Variants in NTRK2 observed in about 807,000 individuals in gnomAD.
NTRK2 encodes the protein neurotrophic receptor tyrosine kinase 2.
Under a neutral mutation model 94.5 loss-of-function variants are expected in NTRK2, and 13 were observed. The ratio of observed to expected loss-of-function variants is 0.14; its 90% CI spans 0.09 to 0.22. The LOEUF is 0.22. NTRK2 is among the 10% of genes least tolerant of loss of function. The pLI is 1.00. For missense variants in NTRK2, 639 were observed against 1,071.2 expected (o/e 0.60, Z 5.63); for synonymous variants, 372 against 407.4 (o/e 0.91, Z 1.05).
At chr9:84,903,454 C>T (rs932488089) in intron 14 of NTRK2, among the ~76,000 whole-genome samples, 48 of 152,170 alleles carry the variant, frequency 3.2e-4, no homozygotes, top group African/African-American at 1.1e-3. Context: ...TCATCATGTT[C>T]CATCTTTCCC....
intron 14 of NTRK2, chr9:84,877,530 C>A (rs1256952227): frequency 2.8e-6 from 3 of 1,066,536 alleles, no homozygotes; most frequent in South Asian, 9.1e-5. Flanking sequence ...GGCCAAGGAC[C>A]CCCCTCCTAC....
chr9:84,749,586 T>G (rs62562378), intron 11 of NTRK2, among the ~76,000 whole-genome samples: 1 of 151,820 alleles, frequency 6.6e-6, no homozygotes, highest in African/African-American at 2.4e-5. Flanking sequence ...TTTGTAAATC[T>G]TAGTTTTTTC....
intron 2 of NTRK2, among the ~76,000 whole-genome samples, chr9:84,680,863 A>G (rs754878567): frequency 5.3e-5 from 8 of 152,156 alleles, no homozygotes; most frequent in Non-Finnish European, 1.0e-4. Flanking sequence ...TTGACTTCTT[A>G]GCAGAACTTG....
chr9:84,941,542 G>T (rs543876373), intron 15 of NTRK2, among the ~76,000 whole-genome samples: 1 of 152,284 alleles, frequency 6.6e-6, no homozygotes, highest in East Asian at 1.9e-4. Flanking sequence ...TGTATCTCTG[G>T]AATGTATGCA....
intron 6 of NTRK2, among the ~76,000 whole-genome samples, chr9:84,711,170 C>T (rs1386365251): frequency 6.6e-6 from 1 of 152,152 alleles, no homozygotes; most frequent in Non-Finnish European, 1.5e-5. Context: ...GGCACCCAGG[C>T]CAAGGATCTC....
At chr9:84,749,903 T>C (rs1313720921) in intron 11 of NTRK2, among the ~76,000 whole-genome samples, 1 of 152,180 alleles carries the variant, frequency 6.6e-6, no homozygotes, top group Non-Finnish European at 1.5e-5. Context: ...TAACAAAACC[T>C]CCACATCTTG....
chr9:84,707,352 A>G (rs948520029), intron 4 of NTRK2, among the ~76,000 whole-genome samples: 1 of 152,088 alleles, frequency 6.6e-6, no homozygotes, highest in Admixed American at 6.5e-5. Flanking sequence ...AGTTTTTTTT[A>G]TCAATAAAAT....
rs935449150 is a variant in NTRK2 at position 84,852,953 on chromosome 9, T to C, written c.1397-8087T>C. Among the ~76,000 whole-genome samples the C allele has an allele frequency of 8.5e-5, 13 of 152,306 alleles. No homozygotes were observed. The East Asian group carries it at 2.1e-3, about 25-fold the overall frequency. On this transcript the variant is annotated intron_variant, in intron 12 of 18. Coordinates refer to ENST00000277120, the MANE Select transcript of NTRK2 (RefSeq NM_006180.6). ...AAGCAATATCTGACCTCTAGTAAGT[T>C]TCCTGGCATATAGCAAGCATTCAAT...
intron 12 of NTRK2, among the ~76,000 whole-genome samples, chr9:84,783,536 G>A (rs2067817484): frequency 6.6e-6 from 1 of 152,282 alleles, no homozygotes; most frequent in East Asian, 1.9e-4. Context: ...ATGACACTTT[G>A]GAGGGAAAAT....
At chr9:84,933,492 T>C (rs1275069121) in intron 14 of NTRK2, among the ~76,000 whole-genome samples, 1 of 152,200 alleles carries the variant, frequency 6.6e-6, no homozygotes, top group East Asian at 1.9e-4. Context: ...TTCATCTGCT[T>C]TTGTCTCTTC....
chr9:84,716,429 T>C (rs2061715642), intron 6 of NTRK2, among the ~76,000 whole-genome samples: 1 of 152,232 alleles, frequency 6.6e-6, no homozygotes, highest in African/African-American at 2.4e-5. Context: ...GTAGCACATA[T>C]GTCTGTGTAG....
At chr9:85,008,686 A>G (rs1831236726) in intron 17 of NTRK2, among the ~76,000 whole-genome samples, 2 of 152,216 alleles carry the variant, frequency 1.3e-5, no homozygotes, top group South Asian at 4.1e-4. Context: ...AGTCGTTGTA[A>G]TCACAAGAAG....
Position 84,670,446 on chromosome 9 carries a change from G to A in NTRK2, c.-303G>A. 1 of 472,122 alleles carries A rather than the reference G, an allele frequency of 2.1e-6. No homozygotes were observed. The highest frequency in any genetic ancestry group is 5.8e-4 in the Middle Eastern group (1 of 1,714). The allele number at this position is 472,122 out of a possible 1,614,324, so 29.2% of individuals were successfully genotyped here. A position where few individuals can be genotyped will look rare whatever the true frequency, so the allele number is the denominator to read the frequency against. ...CTGCGCCCCAGAGAGTCCCGGGAGC[G>A]CCGCCGGTCGGTGCCCGGCGCGCCG... On this transcript the variant is annotated 5_prime_UTR_variant, in exon 2 of 19. Coordinates refer to ENST00000277120, the MANE Select transcript of NTRK2 (RefSeq NM_006180.6).
intron 14 of NTRK2, chr9:84,877,913 C>T: frequency 9.8e-7 from 1 of 1,018,880 alleles, no homozygotes; most frequent in Non-Finnish European, 1.2e-6. Flanking sequence ...GTCTCTGTTG[C>T]CTACTTTCGT....
chr9:84,845,250 TACACACACACACAC>T (rs58910921), intron 12 of NTRK2, among the ~76,000 whole-genome samples: 6 of 148,008 alleles, frequency 4.1e-5, no homozygotes, highest in Admixed American at 2.7e-4. Flanking sequence ...ATGTGGTGTA[TACACACACACACAC>T]ACACACACAC....
intron 12 of NTRK2, among the ~76,000 whole-genome samples, chr9:84,843,074 T>A (rs1231286172): frequency 6.6e-6 from 1 of 152,190 alleles, no homozygotes; most frequent in Non-Finnish European, 1.5e-5. Flanking sequence ...CCTGTAGGAA[T>A]GGGGGGTCAT....
chr9:84,751,360 C>T (rs76526747), intron 11 of NTRK2, among the ~76,000 whole-genome samples: 2,839 of 152,202 alleles, frequency 0.019, 84 homozygotes, highest in African/African-American at 0.065. Context: ...TGGAAGAATT[C>T]CTTGAGCCCG....
intron 14 of NTRK2, among the ~76,000 whole-genome samples, chr9:84,914,911 T>G (rs2077349284): frequency 6.6e-6 from 1 of 152,206 alleles, no homozygotes. Flanking sequence ...GGTTCCCAAC[T>G]TTTTGGCACC....
At chr9:84,967,358 G>A (rs1825677312) in intron 17 of NTRK2, among the ~76,000 whole-genome samples, 1 of 152,230 alleles carries the variant, frequency 6.6e-6, no homozygotes, top group Admixed American at 6.5e-5. Context: ...GCATGGTTGT[G>A]TATCTGTGTG....
Sources: gnomAD v4.1 joint callset for allele counts (sites outside exome capture counted in the v4.1 genomes callset) on GRCh38, gnomAD v4.1.1 for gene constraint, MANE v1.5 for transcripts, NCBI Gene and HGNC (gene_info 2026-07-23, HGNC 2026-07-21) for gene names.